The following OPRM1 variants were observed in gnomAD, a reference collection of about 807,000 sequenced individuals.
OPRM1 encodes mu-type opioid receptor.
A neutral mutation model predicts 31.8 loss-of-function variants in OPRM1; 27 were observed. The ratio of observed to expected loss-of-function variants is 0.85; its 90% confidence interval spans 0.63 to 1.17. OPRM1 has a LOEUF of 1.17. Ranked by LOEUF, OPRM1 falls within the 50% of genes most tolerant of loss-of-function variation. The pLI, the probability that OPRM1 is intolerant of heterozygous loss-of-function variation, is 0.00. For synonymous variants in OPRM1, 196 were observed against 189.9 expected (o/e 1.03, Z -0.26); for missense variants, 536 against 511.1 (o/e 1.05, Z -0.47).
At chr6:154,216,616 T>C (rs1778414953) in intron 3 of OPRM1, among the ~76,000 whole-genome samples, 1 of 152,182 alleles carries the variant, frequency 6.6e-6, no homozygotes, top group Non-Finnish European at 1.5e-5. Context: ...ACACCTGTAA[T>C]CCCAGCACTT....
intron 1 of OPRM1, among the ~76,000 whole-genome samples, chr6:154,063,049 C>T (rs1218782404): frequency 6.6e-6 from 1 of 151,966 alleles, no homozygotes; most frequent in Admixed American, 6.6e-5. Flanking sequence ...CTCCAGAAAA[C>T]ACACACACAA....
intron 1 of OPRM1, among the ~76,000 whole-genome samples, chr6:154,024,615 C>A (rs1778579637): frequency 6.8e-6 from 1 of 147,100 alleles, no homozygotes; most frequent in Non-Finnish European, 1.5e-5. Context: ...TTTCCTAATT[C>A]TTTAAGATGC....
intron 3 of OPRM1, among the ~76,000 whole-genome samples, chr6:154,227,162 C>T (rs1054092678): frequency 4.6e-5 from 7 of 152,174 alleles, no homozygotes; most frequent in East Asian, 3.9e-4. Flanking sequence ...CAAGACCGCA[C>T]CACTGCACTC....
At position 154,129,936 on chromosome 6, in the gene OPRM1, A is replaced by G. The variant is rs979306058; in HGVS notation, c.*11215A>G. 3.3e-5 allele frequency among the ~76,000 whole-genome samples: 5 copies of G among 151,950 alleles called. No individual in the cohort carries two copies. The highest frequency in any genetic ancestry group is 9.7e-5 in the African/African-American group (4 of 41,322). ...ATTATATGATAGTTGTAATCAAAATAAAATGCAATCAATACTAAAATACAA... is the reference window on the plus strand; with the variant it reads ...ATTATATGATAGTTGTAATCAAAATGAAATGCAATCAATACTAAAATACAA... On this transcript the variant is annotated 3_prime_UTR_variant, in exon 4 of 4. Transcript: ENST00000330432.
intron 1 of OPRM1, among the ~76,000 whole-genome samples, chr6:154,033,977 T>C (rs533536474): frequency 1.6e-4 from 24 of 152,362 alleles, no homozygotes; most frequent in African/African-American, 5.8e-4. Context: ...TAAGAGTCAC[T>C]GTACTCTTCA....
chr6:154,219,189 T>G (rs6921548), intron 3 of OPRM1: 24,256 of 152,130 alleles, frequency 0.16, 1,961 homozygotes, highest in South Asian at 0.22. Flanking sequence ...CAGATAAACA[T>G]GGAAGGGTCT....
intron 3 of OPRM1, among the ~76,000 whole-genome samples, chr6:154,109,415 TTGA>T (rs1218537151): frequency 2.0e-5 from 3 of 152,360 alleles, no homozygotes; most frequent in African/African-American, 7.2e-5. Context: ...TGTATACAAC[TTGA>T]TGAGTTTAGA....
intron 3 of OPRM1, among the ~76,000 whole-genome samples, chr6:154,103,026 G>GC (rs1795091229): frequency 6.6e-6 from 1 of 151,020 alleles, no homozygotes; most frequent in South Asian, 2.1e-4. Context: ...ATGACCTTCA[G>GC]CTTGAGACAC....
intron 3 of OPRM1, chr6:154,155,510 C>T (rs1268810451): frequency 6.6e-6 from 1 of 152,164 alleles, no homozygotes; most frequent in African/African-American, 2.4e-5. Flanking sequence ...AAAATACTGT[C>T]TTTCGGCCAG....
chr6:154,159,505 G>T, intron 3 of OPRM1: 1 of 301,370 alleles, frequency 3.3e-6, no homozygotes, highest in African/African-American at 2.2e-5. Context: ...CTTGTCCATA[G>T]CATTCTCTGG....
chr6:154,220,818 G>A (rs1310133690), intron 3 of OPRM1, among the ~76,000 whole-genome samples: 5 of 152,222 alleles, frequency 3.3e-5, no homozygotes, highest in Non-Finnish European at 7.3e-5. Context: ...AAGGCGTTTT[G>A]CAATATGTTC....
intron 3 of OPRM1, among the ~76,000 whole-genome samples, chr6:154,113,681 T>C (rs973979397): frequency 7.2e-5 from 11 of 152,140 alleles, no homozygotes; most frequent in African/African-American, 2.2e-4. Context: ...CCAGGCACAG[T>C]AGAATAATTC....
intron 3 of OPRM1, chr6:154,110,248 A>C: frequency 1.7e-6 from 1 of 596,504 alleles, no homozygotes; most frequent in South Asian, 2.4e-5. Context: ...ACAAGAAAAA[A>C]ATCTATGTAC....
At chr6:154,137,471 A>G (rs1583646810) in intron 3 of OPRM1, among the ~76,000 whole-genome samples, 1 of 152,310 alleles carries the variant, frequency 6.6e-6, no homozygotes, top group East Asian at 1.9e-4. Flanking sequence ...ATATTTTTCT[A>G]TAATTTAATA....
intron 3 of OPRM1, among the ~76,000 whole-genome samples, chr6:154,095,806 T>C (rs1793272660): frequency 6.6e-6 from 1 of 152,192 alleles, no homozygotes; most frequent in Non-Finnish European, 1.5e-5. Flanking sequence ...CTTTATTAGG[T>C]AGACTAAGGC....
At chr6:154,063,791 T>C (rs1784842377) in intron 1 of OPRM1, among the ~76,000 whole-genome samples, 2 of 152,098 alleles carry the variant, frequency 1.3e-5, no homozygotes, top group Non-Finnish European at 2.9e-5. Context: ...TTTGGCATAA[T>C]GTCCTCAAAG....
chr6:154,058,674 T>C (rs1341655376), intron 1 of OPRM1, among the ~76,000 whole-genome samples: 1 of 152,182 alleles, frequency 6.6e-6, no homozygotes, highest in Admixed American at 6.5e-5. Context: ...ACCCATTAAA[T>C]TGGAAACCCA....
At chr6:154,084,435 ACACT>A (rs1307147158) in intron 1 of OPRM1, among the ~76,000 whole-genome samples, 2 of 152,062 alleles carry the variant, frequency 1.3e-5, no homozygotes, top group East Asian at 3.9e-4. Flanking sequence ...ACACACACAC[ACACT>A]CACAAGTAAA....
intron 1 of OPRM1, among the ~76,000 whole-genome samples, chr6:154,065,274 C>T (rs1374056506): frequency 6.6e-6 from 1 of 151,896 alleles, no homozygotes; most frequent in African/African-American, 2.4e-5. Flanking sequence ...CTCACCCTCC[C>T]AAGTAGCTGG....
Sources: allele counts gnomAD v4.1 joint callset (sites outside exome capture counted in the v4.1 genomes callset), GRCh38; gene constraint gnomAD v4.1.1; transcripts MANE v1.5; gene names NCBI Gene and HGNC (gene_info 2026-07-23, HGNC 2026-07-21).